PRDM6: variants seen among roughly 807,000 people sequenced by gnomAD.
PRDM6 encodes the protein putative histone-lysine N-methyltransferase PRDM6.
PRDM6 carries 25 observed loss-of-function variants against 60.8 expected under a neutral mutation model. The ratio of observed to expected loss-of-function variants is 0.41; its 90% CI spans 0.30 to 0.57. The LOEUF is 0.57. Ranked by LOEUF, PRDM6 falls within the 20% of genes least tolerant of loss-of-function variation. PRDM6 has a pLI of 0.27. For synonymous variants in PRDM6, 407 were observed against 357.4 expected (o/e 1.14, Z -1.57); for missense variants, 839 against 821.3 (o/e 1.02, Z -0.26).
intron 3 of PRDM6, among the ~76,000 whole-genome samples, chr5:123,118,808 T>C (rs1003202044): frequency 6.6e-6 from 1 of 151,876 alleles, no homozygotes; most frequent in Non-Finnish European, 1.5e-5. Flanking sequence ...TGCCCTAGAA[T>C]TTTTTTTCTT....
Position 123,191,101 on chromosome 5 carries a change from C to A in PRDM6, c.*3900C>A, listed in dbSNP as rs919059543. The A allele has an allele frequency of 5.9e-5, 9 of 152,232 alleles. No homozygotes were observed. In the East Asian group the frequency reaches 1.5e-3, roughly 26 times the overall value. 9.4% of individuals were successfully genotyped at this position (152,232 alleles called of 1,614,324 possible). On this transcript the variant is annotated 3_prime_UTR_variant, in exon 8 of 8. Coordinates refer to ENST00000407847, the MANE Select transcript of PRDM6 (RefSeq NM_001136239.4). ...TGGGTCTTGGGTTTTTATGACCCCC[C>A]CTTTCAATGATAAGGCAACAAGTTG...
rs1766443983 is a variant in PRDM6, at chr5:123,192,094, T to A, written c.*4893T>A. On this transcript the variant is annotated 3_prime_UTR_variant, in exon 8 of 8. Transcript: ENST00000407847. ...ATGCCACCACTGCACTTAGAAAACC[T>A]ATGGAGGAAATTTTAATGGAAAAAT... The A allele has an allele frequency of 6.6e-6, 1 of 152,184 alleles. No homozygotes were observed. The highest frequency in any genetic ancestry group is 6.5e-5 in the Admixed American group (1 of 15,278). The allele number at this position is 152,184 out of a possible 1,614,324, so 9.4% of individuals were successfully genotyped here.
At chr5:123,106,559 G>A (rs1356757407) in intron 3 of PRDM6, among the ~76,000 whole-genome samples, 3 of 152,224 alleles carry the variant, frequency 2.0e-5, no homozygotes, top group African/African-American at 4.8e-5. Context: ...TTCCAAAACT[G>A]TAACAGGGAT....
At chr5:123,124,351 A>C (rs774761511) in intron 3 of PRDM6, among the ~76,000 whole-genome samples, 1 of 152,226 alleles carries the variant, frequency 6.6e-6, no homozygotes, top group African/African-American at 2.4e-5. Flanking sequence ...ATTTCAGTTT[A>C]CTTTTGTGCT....
chr5:123,185,966 A>G (rs1580547324), intron 7 of PRDM6, among the ~76,000 whole-genome samples: 1 of 152,180 alleles, frequency 6.6e-6, no homozygotes, highest in Non-Finnish European at 1.5e-5. Context: ...AGGTTGCATT[A>G]TTTAAAAGTG....
At position 123,189,351 on chromosome 5, in the gene PRDM6, T is replaced by A. The variant is rs1766358620; in HGVS notation, c.*2150T>A. 6.6e-6 allele frequency: 1 copy of A among 152,226 alleles called. No homozygotes were observed. Among genetic ancestry groups the A allele is most frequent in the African/African-American group, 2.4e-5 (1 of 41,470 alleles). The allele number at this position is 152,226 out of a possible 1,614,324, so 9.4% of individuals were successfully genotyped here. On this transcript the variant is annotated 3_prime_UTR_variant, in exon 8 of 8. Coordinates refer to ENST00000407847, the MANE Select transcript of PRDM6 (RefSeq NM_001136239.4). Reference sequence around the variant, plus strand: ...GGAATCACCTGTATATTTCTAATTTTTTTTTTCATTTGAAAAATCAGCTCA... The same window carrying A: ...GGAATCACCTGTATATTTCTAATTTATTTTTTCATTTGAAAAATCAGCTCA...
chr5:123,175,147 GT>G (rs1765976784), intron 6 of PRDM6, among the ~76,000 whole-genome samples: 1 of 152,216 alleles, frequency 6.6e-6, no homozygotes, highest in Non-Finnish European at 1.5e-5. Flanking sequence ...CCAGAAAGGG[GT>G]AAGCAAAGCC....
chr5:123,133,586 T>C (rs1764884250), intron 3 of PRDM6, among the ~76,000 whole-genome samples: 1 of 152,088 alleles, frequency 6.6e-6, no homozygotes, highest in African/African-American at 2.4e-5. Context: ...ATTTACAAAA[T>C]CTATTAAAAT....
At chr5:123,151,256 T>C (rs1765362473) in intron 3 of PRDM6, among the ~76,000 whole-genome samples, 1 of 152,126 alleles carries the variant, frequency 6.6e-6, no homozygotes, top group Non-Finnish European at 1.5e-5. Flanking sequence ...GCGTCTGAAA[T>C]GTCTCCTCAC....
rs1766442498 is a variant in PRDM6, at chr5:123,192,002, A to G, written c.*4801A>G. On this transcript the variant is annotated 3_prime_UTR_variant, in exon 8 of 8. Transcript: ENST00000407847. Reference sequence around the variant, plus strand: ...CATCAGATCAATATGTAAAACGATAACAAAAAATATGTCGGAAACAGGTCA... The same window carrying G: ...CATCAGATCAATATGTAAAACGATAGCAAAAAATATGTCGGAAACAGGTCA... 1 of 152,234 alleles carries G rather than the reference A, an allele frequency of 6.6e-6. No individual in the cohort carries two copies. The highest frequency in any genetic ancestry group is 1.5e-5 in the Non-Finnish European group (1 of 68,032). The allele number at this position is 152,234 out of a possible 1,614,324, so 9.4% of individuals were successfully genotyped here. A position where few individuals can be genotyped will look rare whatever the true frequency, so the allele number is the denominator to read the frequency against.
chr5:123,135,548 G>A (rs1295052386), intron 3 of PRDM6, among the ~76,000 whole-genome samples: 1 of 152,108 alleles, frequency 6.6e-6, no homozygotes, highest in African/African-American at 2.4e-5. Context: ...ATTTATGGTT[G>A]CTATAGATGG....
chr5:123,140,061 C>G (rs1765062567), intron 3 of PRDM6, among the ~76,000 whole-genome samples: 1 of 151,802 alleles, frequency 6.6e-6, no homozygotes. Flanking sequence ...TATATCAAAC[C>G]ATTCAAAAAT....
intron 3 of PRDM6, among the ~76,000 whole-genome samples, chr5:123,150,009 C>G (rs1399111562): frequency 1.3e-5 from 2 of 152,108 alleles, no homozygotes; most frequent in Non-Finnish European, 2.9e-5. Context: ...GGCCAGTGTC[C>G]GTGAGCAAGT....
At chr5:123,123,636 A>G (rs191815399) in intron 3 of PRDM6, among the ~76,000 whole-genome samples, 120 of 152,312 alleles carry the variant, frequency 7.9e-4, no homozygotes, top group Non-Finnish European at 2.9e-4. Flanking sequence ...TTTCATTTCT[A>G]TTGCCTTTCG....
chr5:123,156,969 G>C (rs576093250), intron 4 of PRDM6, among the ~76,000 whole-genome samples: 41 of 151,928 alleles, frequency 2.7e-4, no homozygotes, highest in Admixed American at 1.8e-3. Flanking sequence ...AGAAGCAACT[G>C]TTTAGCTTTA....
Position 123,187,230 on chromosome 5 carries a change from A to G in PRDM6, c.*29A>G, listed in dbSNP as rs941901656. ...ATTGACTGGTTGGAATTAAACTGCAAGGAAAGTCATGATTAAATGTCACGG... is the reference window on the plus strand; with the variant it reads ...ATTGACTGGTTGGAATTAAACTGCAGGGAAAGTCATGATTAAATGTCACGG... On this transcript the variant is annotated 3_prime_UTR_variant, in exon 8 of 8. Coordinates refer to ENST00000407847, the MANE Select transcript of PRDM6 (RefSeq NM_001136239.4). The G allele has an allele frequency of 3.4e-6, 5 of 1,492,504 alleles. No individual in the cohort carries two copies. Among genetic ancestry groups the G allele is most frequent in the Middle Eastern group, 1.7e-4 (1 of 5,862 alleles). The allele number at this position is 1,492,504 out of a possible 1,614,324, so 92.5% of individuals were successfully genotyped here.
Position 123,141,629 on chromosome 5 carries a change from G to T in PRDM6, c.901-14255G>T, listed in dbSNP as rs970276114. On this transcript the variant is annotated intron_variant, in intron 3 of 7. Transcript: ENST00000407847. Reference sequence around the variant, plus strand: ...GTCACCCAGCTGAGACTTGATTCCTGCTCTGCCCAGTTCCACTTAATACAC... The same window carrying T: ...GTCACCCAGCTGAGACTTGATTCCTTCTCTGCCCAGTTCCACTTAATACAC... 2.0e-5 allele frequency among the ~76,000 whole-genome samples: 3 copies of T among 152,012 alleles called. No individual in the cohort carries two copies. The South Asian group carries it at 6.2e-4, about 31-fold the overall frequency.
In PRDM6 at chr5:123,171,800, G is replaced by A. The variant is rs567112986; in HGVS notation, c.1496+692G>A. On this transcript the variant is annotated intron_variant, in intron 6 of 7. Coordinates refer to ENST00000407847, the MANE Select transcript of PRDM6 (RefSeq NM_001136239.4). ...CTGAACAAGTGAATTAAAATTTCAG[G>A]TACTCTGATGAGTGGCACAGTAGAT... 5.3e-5 allele frequency among the ~76,000 whole-genome samples: 8 copies of A among 152,262 alleles called. No homozygotes were observed. The South Asian group carries it at 1.5e-3, about 28-fold the overall frequency.
At chr5:123,146,049 A>G (rs557346191) in intron 3 of PRDM6, among the ~76,000 whole-genome samples, 5 of 152,306 alleles carry the variant, frequency 3.3e-5, no homozygotes, top group Non-Finnish European at 1.5e-5. Context: ...TTTTTTAGAG[A>G]TGTTCCCTTT....
Sources: gnomAD v4.1 joint callset for allele counts (sites outside exome capture counted in the v4.1 genomes callset) on GRCh38, gnomAD v4.1.1 for gene constraint, MANE v1.5 for transcripts, NCBI Gene and HGNC (gene_info 2026-07-23, HGNC 2026-07-21) for gene names.